The following CAND2 variants were observed in gnomAD, a reference collection of about 807,000 sequenced individuals.
CAND2 encodes the protein cullin-associated NEDD8-dissociated protein 2.
A neutral mutation model predicts 98.9 loss-of-function variants in CAND2; 62 were observed. That is an observed-to-expected ratio of 0.63 (90% CI 0.51 to 0.77). The LOEUF is 0.77. Ranked by LOEUF, CAND2 falls within the 30% of genes least tolerant of loss-of-function variation. The probability of loss-of-function intolerance (pLI) is 0.00; values close to 1 mark genes in which losing one functional copy is unlikely to be tolerated. For missense variants in CAND2, 1,501 were observed against 1,655.2 expected (o/e 0.91, Z 1.62); for synonymous variants, 770 against 731.9 (o/e 1.05, Z -0.84).
chr3:12,827,529 C>T lies in CAND2; in HGVS notation c.3300C>T (p.Ser1100=), dbSNP rs1015131531. Reference sequence around the variant, plus strand: ...AATGCATGTATTCACTGCTTGAGAGCTGCCTGGGCCAGCTGGATATCTGTG... The same window carrying T: ...AATGCATGTATTCACTGCTTGAGAGTTGCCTGGGCCAGCTGGATATCTGTG... ...AFECMYSLLE[S]CLGQLDICEF... The change falls in exon 13 of 15, where the codon AGC becomes AGT. Residue 1100 remains serine (S), a synonymous_variant. Coordinates refer to ENST00000456430, the MANE Select transcript of CAND2 (RefSeq NM_001162499.2). 5 of 1,613,964 alleles carry T rather than the reference C, an allele frequency of 3.1e-6. No individual in the cohort carries two copies. The African/African-American group carries it at 5.3e-5, about 17-fold the overall frequency.
chr3:12,814,646 A>C (rs531986859), intron 7 of CAND2, among the ~76,000 whole-genome samples: 1 of 152,018 alleles, frequency 6.6e-6, no homozygotes, highest in Non-Finnish European at 1.5e-5. Flanking sequence ...TCCCTTCTGG[A>C]GTCCCAGTAA....
chr3:12,800,437 C>T (rs952739489), intron 1 of CAND2, among the ~76,000 whole-genome samples: 2 of 152,130 alleles, frequency 1.3e-5, no homozygotes, highest in South Asian at 2.1e-4. Flanking sequence ...GCAGGGCCAG[C>T]GTGGGGTGGT....
intron 11 of CAND2, among the ~76,000 whole-genome samples, chr3:12,822,651 A>G (rs1424976689): frequency 1.3e-5 from 2 of 151,906 alleles, no homozygotes; most frequent in East Asian, 1.9e-4. Context: ...GATGCTCCAG[A>G]TTCATTGCGA....
intron 1 of CAND2, among the ~76,000 whole-genome samples, 197 bp downstream of exon 1, chr3:12,796,985 C>T (rs1045813889): frequency 6.6e-6 from 1 of 151,868 alleles, no homozygotes; most frequent in African/African-American, 2.4e-5. Flanking sequence ...GCCGTTCTCC[C>T]CTAGGGGCCG....
chr3:12,831,573 G>GT lies in CAND2; in HGVS notation c.3483+2dup. On this transcript the variant is annotated splice_donor_variant, in intron 14 of 14. Coordinates refer to ENST00000456430, the MANE Select transcript of CAND2 (RefSeq NM_001162499.2). LOFTEE classifies it high-confidence loss of function. ...ACTAAGGGCCACCTGCACTGCCAAG[G>GT]TAAGTCCCTGGCCCAGCCCTAGCCC... 3 of 1,607,376 alleles carry GT rather than the reference G, an allele frequency of 1.9e-6. No individual in the cohort carries two copies. The African/African-American group carries it at 4.0e-5, about 21-fold the overall frequency.
At chr3:12,803,403 T>A in intron 1 of CAND2, 85 bp from the exon 2 acceptor site, 1 of 1,328,858 alleles carries the variant, frequency 7.5e-7, no homozygotes, top group Non-Finnish European at 1.0e-6. Flanking sequence ...TATTAAGGTC[T>A]ACTTCTAGGG....
chr3:12,830,883 C>T (rs997046259), intron 13 of CAND2, among the ~76,000 whole-genome samples: 41 of 152,150 alleles, frequency 2.7e-4, no homozygotes, highest in African/African-American at 5.5e-4. Flanking sequence ...ATGGGTAGGG[C>T]GTGGGGATTT....
At position 12,810,655 on chromosome 3, in the gene CAND2, C is replaced by T. The variant is rs545974189; in HGVS notation, c.757+331C>T. 2.0e-5 allele frequency among the ~76,000 whole-genome samples: 3 copies of T among 152,330 alleles called. No homozygotes were observed. The South Asian group carries it at 6.2e-4, about 32-fold the overall frequency. On this transcript the variant is annotated intron_variant, in intron 5 of 14. Transcript: ENST00000456430. ...GGGGTTGGTTCAATCACTTATGAGA[C>T]GTGGAGGCTGGCTGGTAATTACAAT...
At position 12,815,459 on chromosome 3, in the gene CAND2, T is replaced by C. The variant is rs552901240; in HGVS notation, c.1299+26T>C. ...GTGGGCGTGCCTTCACCTCCACCCCTACCCCCGATTTGCCTACCCAGCCAC... is the reference window on the plus strand; with the variant it reads ...GTGGGCGTGCCTTCACCTCCACCCCCACCCCCGATTTGCCTACCCAGCCAC... On this transcript the variant is annotated intron_variant, in intron 8 of 14. Coordinates refer to ENST00000456430, the MANE Select transcript of CAND2 (RefSeq NM_001162499.2). This position sits in a 1 kb window ranked among gnomAD's most constrained non-coding sequence, Gnocchi z 5.7. The C allele has an allele frequency of 1.3e-6, 2 of 1,584,440 alleles. No homozygotes were observed. The highest frequency in any genetic ancestry group is 2.3e-5 in the East Asian group (1 of 44,176).
At chr3:12,816,253 G>A (rs748250637) in intron 9 of CAND2, 121 bp from the exon 10 acceptor site, 38 of 1,048,788 alleles carry the variant, frequency 3.6e-5, no homozygotes, top group Non-Finnish European at 5.1e-5. Context: ...GGAAACTTCT[G>A]CAGAAGAGTT....
chr3:12,817,952 G>A (rs901374808), intron 10 of CAND2, 76 bp downstream of exon 10: 16 of 1,329,854 alleles, frequency 1.2e-5, no homozygotes, highest in Non-Finnish European at 1.6e-5. Context: ...GGCAGCTGGG[G>A]CAGAGTGAGC....
In CAND2 at chr3:12,820,101, G is replaced by A. The variant is rs181307051; in HGVS notation, c.2960G>A (p.Arg987Gln). 2,682 of 1,614,084 alleles carry A rather than the reference G, an allele frequency of 1.7e-3. 40 individuals are homozygous for A. The Admixed American group carries it at 0.033, about 20-fold the overall frequency. ...TGTCCTGCAGGTCGGCCACACACCCGGAGCACCGTCATCACAGCGGTCAAG... is the reference window on the plus strand; with the variant it reads ...TGTCCTGCAGGTCGGCCACACACCCAGAGCACCGTCATCACAGCGGTCAAG... ...KQLAAGRPHT[R>Q]STVITAVKFL... Residue 987 changes from arginine to glutamine, a missense_variant, in exon 11 of 15, where the codon CGG becomes CAG. By Grantham distance (43) the Arg-to-Gln change is conservative. Coordinates refer to ENST00000456430, the MANE Select transcript of CAND2 (RefSeq NM_001162499.2).
At chr3:12,798,130 T>C (rs2061739901) in intron 1 of CAND2, among the ~76,000 whole-genome samples, 1 of 151,994 alleles carries the variant, frequency 6.6e-6, no homozygotes, top group Non-Finnish European at 1.5e-5. Flanking sequence ...AATAAGATAG[T>C]ACATGTGAAA....
chr3:12,810,429 C>T (rs2061843246), intron 5 of CAND2, 105 bp downstream of exon 5: 1 of 1,183,474 alleles, frequency 8.4e-7, no homozygotes, highest in African/African-American at 1.6e-5. Flanking sequence ...GCAGCCAGGG[C>T]CTAAGGGTGG....
intron 10 of CAND2, among the ~76,000 whole-genome samples, chr3:12,818,090 A>G (rs1480832166): frequency 6.6e-6 from 1 of 152,242 alleles, no homozygotes; most frequent in Non-Finnish European, 1.5e-5. Context: ...TAGAAGGGAC[A>G]GAGTCCTTGA....
intron 7 of CAND2, among the ~76,000 whole-genome samples, chr3:12,814,639 C>T (rs1050801475): frequency 6.6e-6 from 1 of 152,160 alleles, no homozygotes; most frequent in African/African-American, 2.4e-5. Context: ...TCCCTTCTCC[C>T]TTCTGGAGTC....
intron 10 of CAND2, among the ~76,000 whole-genome samples, chr3:12,818,859 ACTGT>A (rs1296312492): frequency 6.6e-6 from 1 of 152,238 alleles, no homozygotes; most frequent in African/African-American, 2.4e-5. Context: ...TGTTGAGGAC[ACTGT>A]CTATTACATC....
chr3:12,820,032 A>G, intron 10 of CAND2, 54 bp from the exon 11 acceptor site: 1 of 1,418,238 alleles, frequency 7.1e-7, no homozygotes, highest in Non-Finnish European at 1.0e-6. Context: ...CTGATCTGTG[A>G]GCCTCCAGGA....
intron 11 of CAND2, among the ~76,000 whole-genome samples, chr3:12,823,802 C>T (rs534608305): frequency 3.4e-4 from 51 of 152,082 alleles, no homozygotes; most frequent in African/African-American, 1.1e-3. Context: ...GAGGCTGAGG[C>T]CTGAGAATCG....
Sources: allele counts gnomAD v4.1 joint callset (sites outside exome capture counted in the v4.1 genomes callset), GRCh38; gene constraint gnomAD v4.1.1; non-coding constraint Gnocchi (gnomAD v3.1); transcripts MANE v1.5; gene names NCBI Gene and HGNC (gene_info 2026-07-23, HGNC 2026-07-21).